Variants in STUM observed in about 807,000 individuals in gnomAD.
STUM encodes stum, mechanosensory transduction mediator homolog.
In STUM, 8 loss-of-function variants were observed where a neutral mutation model predicts 15.3. The observed-to-expected ratio is 0.52, with a 90% CI of 0.31 to 0.94. The LOEUF is 0.94. STUM is among the 40% of genes least tolerant of loss of function. STUM has a pLI of 0.05. For synonymous variants in STUM, 78 were observed against 88.7 expected (o/e 0.88, Z 0.68); for missense variants, 142 against 204.9 (o/e 0.69, Z 1.87).
chr1:226,574,149 T>C lies in STUM; in HGVS notation c.203-22653T>C, dbSNP rs117301482. On this transcript the variant is annotated intron_variant, in intron 1 of 3. Transcript: ENST00000366788. ...TAGCCCCCAGCCTACAATATACTTTTAATAACTATAGTCCATATGCCATAT... is the reference window on the plus strand; with the variant it reads ...TAGCCCCCAGCCTACAATATACTTTCAATAACTATAGTCCATATGCCATAT... 6.1e-3 allele frequency among the ~76,000 whole-genome samples: 931 copies of C among 152,348 alleles called. 29 individuals carry two copies. Among genetic ancestry groups the C allele is most frequent in the Admixed American group, 0.046 (707 of 15,300 alleles).
At chr1:226,588,292 G>A (rs1429648641) in intron 1 of STUM, among the ~76,000 whole-genome samples, 1 of 152,194 alleles carries the variant, frequency 6.6e-6, no homozygotes, top group Non-Finnish European at 1.5e-5. Context: ...CGAACCCTGC[G>A]CTGATATGCC....
At position 226,548,867 on chromosome 1, in the gene STUM, C is replaced by T; in HGVS notation, c.-38C>T. On this transcript the variant is annotated 5_prime_UTR_variant, in exon 1 of 4. Coordinates refer to ENST00000366788, the MANE Select transcript of STUM (RefSeq NM_001003665.4). ...GCTCCCGTACGCTGGGCGCCAGCTC[C>T]GGCCGTGCTGCCCGGCTGCCTGAGA... 7.6e-7 allele frequency: 1 copy of T among 1,309,602 alleles called. No individual in the cohort carries two copies. The highest frequency in any genetic ancestry group is 9.6e-7 in the Non-Finnish European group (1 of 1,036,912). 81.1% of individuals were successfully genotyped at this position (1,309,602 alleles called of 1,614,324 possible).
chr1:226,600,611 C>A lies in STUM; in HGVS notation c.383-55C>A. 1 of 1,606,292 alleles carries A rather than the reference C, an allele frequency of 6.2e-7. No individual in the cohort carries two copies. Among genetic ancestry groups the A allele is most frequent in the South Asian group, 1.1e-5 (1 of 91,004 alleles). On this transcript the variant is annotated intron_variant, in intron 2 of 3. Transcript: ENST00000366788. This position sits in a 1 kb window ranked among gnomAD's most constrained non-coding sequence, Gnocchi z 5.2. ...TGGCTCTGTTTTCAGGCTGTGTTTT[C>A]TCTTCTTCTCTCTCTCCTCTTCCTC...
At chr1:226,558,258 ATATGTTAGAG>A (rs1487677178) in intron 1 of STUM, among the ~76,000 whole-genome samples, 1 of 152,240 alleles carries the variant, frequency 6.6e-6, no homozygotes, top group African/African-American at 2.4e-5. Context: ...AACTGTTAGA[ATATGTTAGAG>A]TATAATACAA....
intron 1 of STUM, among the ~76,000 whole-genome samples, chr1:226,591,087 G>A (rs141978830): frequency 7.2e-4 from 110 of 152,312 alleles, no homozygotes; most frequent in African/African-American, 2.6e-3. Flanking sequence ...TATTTAACTG[G>A]TAAGACTCAT....
chr1:226,558,648 G>A (rs1051552730), intron 1 of STUM, among the ~76,000 whole-genome samples: 17 of 152,198 alleles, frequency 1.1e-4, no homozygotes, highest in African/African-American at 3.9e-4. Context: ...AGGCTGTGGG[G>A]AACATCAAAG....
In STUM at chr1:226,549,055, T is replaced by A. The variant is rs771428270; in HGVS notation, c.151T>A (p.Phe51Ile). 3 of 1,582,294 alleles carry A rather than the reference T, an allele frequency of 1.9e-6. No individual in the cohort carries two copies. The South Asian group carries it at 3.4e-5, about 18-fold the overall frequency. Residue 51 changes from phenylalanine to isoleucine, a missense_variant, in exon 1 of 4, where the codon TTC becomes ATC. Physicochemically the swap from Phe to Ile is conservative, Grantham distance 21. This residue lies in a region of STUM where 113 missense variants were observed against 134.4 expected (regional missense o/e 0.84). Coordinates refer to ENST00000366788, the MANE Select transcript of STUM (RefSeq NM_001003665.4). This position sits in a 1 kb window ranked among gnomAD's most constrained non-coding sequence, Gnocchi z 6.8. ...PLRAAIPYMPFPVAVICLFLN... is the reference protein window; with the variant it reads ...PLRAAIPYMPIPVAVICLFLN... ...GCGCGCCGCCATCCCCTACATGCCC[T>A]TCCCCGTGGCCGTCATCTGCCTCTT...
At chr1:226,588,265 G>A (rs1032265984) in intron 1 of STUM, among the ~76,000 whole-genome samples, 3 of 152,142 alleles carry the variant, frequency 2.0e-5, no homozygotes, top group Non-Finnish European at 4.4e-5. Flanking sequence ...CAGCCCCTCC[G>A]CAGACCTGCT....
Position 226,565,269 on chromosome 1 carries a change from G to C in STUM, c.202+16163G>C, listed in dbSNP as rs1368137193. 6.6e-6 allele frequency among the ~76,000 whole-genome samples: 1 copy of C among 152,124 alleles called. No individual in the cohort carries two copies. The highest frequency in any genetic ancestry group is 2.4e-5 in the African/African-American group (1 of 41,424). On this transcript the variant is annotated intron_variant, in intron 1 of 3. Transcript: ENST00000366788. The surrounding 1 kb of genome is among the most constrained non-coding windows in gnomAD (Gnocchi z 4.4). ...GGGAGTGGCCTCCTGCTGTTGCTGG[G>C]TACCAGCATTTCAGCCTCCCATCCT...
chr1:226,602,270 G>C lies in STUM; in HGVS notation c.*230G>C. On this transcript the variant is annotated 3_prime_UTR_variant, in exon 4 of 4. Transcript: ENST00000366788. ...GAAAGCACTGTGGGCGCAGGCACCAGAGCATCAGAGAGTGGGGTGGAGATG... is the reference window on the plus strand; with the variant it reads ...GAAAGCACTGTGGGCGCAGGCACCACAGCATCAGAGAGTGGGGTGGAGATG... 1.8e-6 allele frequency: 1 copy of C among 550,296 alleles called. No individual in the cohort carries two copies. The highest frequency in any genetic ancestry group is 3.3e-6 in the Non-Finnish European group (1 of 307,484). The allele number at this position is 550,296 out of a possible 1,614,324, so 34.1% of individuals were successfully genotyped here. A position where few individuals can be genotyped will look rare whatever the true frequency, so the allele number is the denominator to read the frequency against.
chr1:226,581,831 CT>C (rs1267622912), intron 1 of STUM, among the ~76,000 whole-genome samples: 4 of 152,208 alleles, frequency 2.6e-5, no homozygotes, highest in African/African-American at 4.8e-5. Context: ...CCCTAGCCGG[CT>C]TGTGTCACTG....
In STUM at chr1:226,549,248, G is replaced by A. The variant is rs1451594631; in HGVS notation, c.202+142G>A. The A allele has an allele frequency of 8.6e-6, 6 of 698,762 alleles. No homozygotes were observed. The highest frequency in any genetic ancestry group is 1.9e-5 in the African/African-American group (1 of 52,210). 43.3% of individuals were successfully genotyped at this position (698,762 alleles called of 1,614,324 possible). On this transcript the variant is annotated intron_variant, in intron 1 of 3. Coordinates refer to ENST00000366788, the MANE Select transcript of STUM (RefSeq NM_001003665.4). The surrounding 1 kb of genome is among the most constrained non-coding windows in gnomAD (Gnocchi z 6.8). The stretch of plus-strand genomic sequence containing the variant: ...CCACGCGCCACCGCCCGCTCCTGGC[G>A]TCCCCGGGCAGGTGGCAGAAGCGCG...
chr1:226,553,615 T>C (rs1667402683), intron 1 of STUM, among the ~76,000 whole-genome samples: 1 of 152,206 alleles, frequency 6.6e-6, no homozygotes, highest in Admixed American at 6.5e-5. Flanking sequence ...AAACATTTCT[T>C]ATGAAAGGGA....
intron 1 of STUM, among the ~76,000 whole-genome samples, chr1:226,575,127 G>C (rs55646582): frequency 0.037 from 5,596 of 152,298 alleles, 318 homozygotes; most frequent in African/African-American, 0.12. Context: ...ACCTGCCCAA[G>C]TTAGGAAGGG....
At chr1:226,561,617 C>G (rs997808313) in intron 1 of STUM, among the ~76,000 whole-genome samples, 5 of 152,114 alleles carry the variant, frequency 3.3e-5, no homozygotes, top group Non-Finnish European at 7.3e-5. Flanking sequence ...CTCTAATTAC[C>G]CTGTGAACTT....
intron 1 of STUM, among the ~76,000 whole-genome samples, chr1:226,575,443 C>T (rs1667794297): frequency 6.6e-6 from 1 of 152,238 alleles, no homozygotes; most frequent in Admixed American, 6.5e-5. Context: ...TCCCTGCCGG[C>T]AGGCACCCAG....
intron 1 of STUM, among the ~76,000 whole-genome samples, chr1:226,578,325 A>G (rs1667855206): frequency 1.5e-5 from 2 of 133,624 alleles, no homozygotes; most frequent in Non-Finnish European, 3.2e-5. Flanking sequence ...ATCATCCTGC[A>G]TTTAGTCCCC....
At chr1:226,581,209 A>G (rs963786621) in intron 1 of STUM, among the ~76,000 whole-genome samples, 1 of 152,190 alleles carries the variant, frequency 6.6e-6, no homozygotes, top group Non-Finnish European at 1.5e-5. Flanking sequence ...GTTGCAGAGG[A>G]GGCTGGGACA....
In STUM at chr1:226,549,585, G is replaced by A. The variant is rs2102682396; in HGVS notation, c.202+479G>A. ...CTGAGCCGGGGAAAGAGGACGAGCC[G>A]GGCTAGATATACCTGCAGCCCCCTT... On this transcript the variant is annotated intron_variant, in intron 1 of 3. Coordinates refer to ENST00000366788, the MANE Select transcript of STUM (RefSeq NM_001003665.4). This position sits in a 1 kb window ranked among gnomAD's most constrained non-coding sequence, Gnocchi z 6.8. Among the ~76,000 whole-genome samples, 1 of 152,320 alleles carries A rather than the reference G, an allele frequency of 6.6e-6. No homozygotes were observed. Among genetic ancestry groups the A allele is most frequent in the South Asian group, 2.1e-4 (1 of 4,830 alleles).
Sources: allele counts gnomAD v4.1 joint callset (sites outside exome capture counted in the v4.1 genomes callset), GRCh38; gene constraint gnomAD v4.1.1; regional missense constraint gnomAD v4.1.1; non-coding constraint Gnocchi (gnomAD v3.1); transcripts MANE v1.5; gene names NCBI Gene and HGNC (gene_info 2026-07-23, HGNC 2026-07-21).